GOSR1: variants seen among roughly 807,000 people sequenced by gnomAD.
GOSR1 encodes golgi SNAP receptor complex member 1.
GOSR1 carries 21 observed loss-of-function variants against 35.5 expected under a neutral mutation model. The observed-to-expected ratio is 0.59, with a 90% confidence interval of 0.42 to 0.85. The LOEUF is 0.85. Ranked by LOEUF, GOSR1 falls within the 40% of genes least tolerant of loss-of-function variation. GOSR1 has a pLI of 0.00. For missense variants in GOSR1, 285 were observed against 309.6 expected (o/e 0.92, Z 0.60); for synonymous variants, 94 against 106.6 (o/e 0.88, Z 0.73).
At chr17:30,516,714 C>CTTTGT (rs1299563629) in intron 7 of GOSR1, among the ~76,000 whole-genome samples, 5 of 152,000 alleles carry the variant, frequency 3.3e-5, no homozygotes, top group Admixed American at 3.3e-4. Flanking sequence ...GAAATACTAA[C>CTTTGT]TTTGTTTTGT....
chr17:30,499,584 AC>A (rs1967128695), intron 6 of GOSR1, among the ~76,000 whole-genome samples: 1 of 151,948 alleles, frequency 6.6e-6, no homozygotes, highest in African/African-American at 2.4e-5. Flanking sequence ...CTCGTGATCC[AC>A]CCGCCTTGGC....
intron 6 of GOSR1, among the ~76,000 whole-genome samples, chr17:30,507,463 C>G (rs1967444172): frequency 6.6e-6 from 1 of 152,204 alleles, no homozygotes; most frequent in African/African-American, 2.4e-5. Flanking sequence ...GCCTGTAATC[C>G]TGTAATCCCA....
chr17:30,500,017 C>G (rs1967145716), intron 6 of GOSR1, among the ~76,000 whole-genome samples: 1 of 152,008 alleles, frequency 6.6e-6, no homozygotes, highest in South Asian at 2.1e-4. Flanking sequence ...GTCTTTTTGC[C>G]TTTTGTTGTG....
intron 7 of GOSR1, among the ~76,000 whole-genome samples, chr17:30,512,996 A>G (rs1967667765): frequency 6.6e-6 from 1 of 152,222 alleles, no homozygotes; most frequent in South Asian, 2.1e-4. Context: ...CTTTTATTTC[A>G]GTATTTTCCC....
In GOSR1 at chr17:30,481,237, C is replaced by T; in HGVS notation, c.126C>T (p.Thr42=). The change falls in exon 2 of 9, where the codon ACC becomes ACT. Residue 42 remains threonine, a synonymous_variant. Coordinates refer to ENST00000451249, the MANE Select transcript of GOSR1 (RefSeq NM_001007025.2). ...KLCTSYSHSS[T]RDGRRDSSDT... Reference sequence around the variant, plus strand: ...GTACAAGTTACAGTCATAGCAGTACCCGAGATGGAAGACGCGACAGGTATA... The same window carrying T: ...GTACAAGTTACAGTCATAGCAGTACTCGAGATGGAAGACGCGACAGGTATA... 6.2e-7 allele frequency: 1 copy of T among 1,607,410 alleles called. No individual in the cohort carries two copies. The highest frequency in any genetic ancestry group is 8.5e-7 in the Non-Finnish European group (1 of 1,174,056).
At chr17:30,485,077 A>G (rs977194331) in intron 4 of GOSR1, 1 of 403,776 alleles carries the variant, frequency 2.5e-6, no homozygotes, top group Non-Finnish European at 4.7e-6. Flanking sequence ...ATGGTCATGT[A>G]TAGACAATAA....
At chr17:30,508,601 A>C (rs1172536523) in intron 6 of GOSR1, among the ~76,000 whole-genome samples, 1 of 152,182 alleles carries the variant, frequency 6.6e-6, no homozygotes, top group Non-Finnish European at 1.5e-5. Context: ...GCTTCTATAC[A>C]TGTTTGTTAG....
chr17:30,478,894 ATATCT>A (rs1914139761), intron 1 of GOSR1: 1 of 152,150 alleles, frequency 6.6e-6, no homozygotes, highest in Non-Finnish European at 1.5e-5. Flanking sequence ...GAGGCTACTG[ATATCT>A]TTATTACTAG....
At chr17:30,501,557 C>T (rs960271488) in intron 6 of GOSR1, among the ~76,000 whole-genome samples, 2 of 151,466 alleles carry the variant, frequency 1.3e-5, no homozygotes, top group Non-Finnish European at 1.5e-5. Context: ...AGTGCAGTGG[C>T]GCGATCTCGG....
chr17:30,490,137 T>G lies in GOSR1; in HGVS notation c.354T>G (p.His118Gln), dbSNP rs1361298248. The G allele has an allele frequency of 1.3e-6, 2 of 1,491,176 alleles. No homozygotes were observed. The highest frequency in any genetic ancestry group is 1.9e-6 in the Non-Finnish European group (2 of 1,069,050). The allele number at this position is 1,491,176 out of a possible 1,614,324, so 92.4% of individuals were successfully genotyped here. A position where few individuals can be genotyped will look rare whatever the true frequency, so the allele number is the denominator to read the frequency against. ...RHRDILQDYT[H>Q]EFHKTKANFM... is the part of the protein sequence containing the mutation. ...TTGATTTATTACAGGATTATACACA[T>G]GAATTCCATAAAACCAAAGCAAACT... is the stretch of plus-strand genomic sequence containing the variant. Residue 118 changes from histidine to glutamine, a missense_variant, in exon 5 of 9, where the codon CAT (histidine) becomes CAG (glutamine). By Grantham distance (24) the His-to-Gln change is conservative. Coordinates refer to ENST00000451249, the MANE Select transcript of GOSR1 (RefSeq NM_001007025.2).
intron 6 of GOSR1, among the ~76,000 whole-genome samples, chr17:30,503,558 A>G (rs1967291103): frequency 6.6e-6 from 1 of 152,248 alleles, no homozygotes; most frequent in Admixed American, 6.5e-5. Context: ...TGCCATCTGC[A>G]TGGAGTCACT....
rs984644018 is a variant in GOSR1 at position 30,524,214 on chromosome 17, TA to T, written c.*1846del. ...CGAGAAACACCCAAGAATGATCAATTAAAAAAAAAATAATATAATAATAATT... is the reference window on the plus strand; with the variant it reads ...CGAGAAACACCCAAGAATGATCAATTAAAAAAAAATAATATAATAATAATT... On this transcript the variant is annotated 3_prime_UTR_variant, in exon 9 of 9. Transcript: ENST00000451249. 1.7e-4 allele frequency: 25 copies of T among 150,680 alleles called. No homozygotes were observed. The highest frequency in any genetic ancestry group is 2.7e-4 in the Admixed American group (4 of 15,070). 9.3% of individuals were successfully genotyped at this position (150,680 alleles called of 1,614,324 possible).
intron 5 of GOSR1, 44 bp downstream of exon 5, chr17:30,490,261 T>G (rs566145369): frequency 1.9e-6 from 2 of 1,026,590 alleles, no homozygotes; most frequent in Middle Eastern, 2.0e-4. Context: ...TTATTCAGAT[T>G]TGGCTTTAGG....
chr17:30,477,811 G>GA, intron 1 of GOSR1: 4 of 985,358 alleles, frequency 4.1e-6, no homozygotes, highest in Non-Finnish European at 4.8e-6. Context: ...GAGAGGAAAC[G>GA]AATGTTGAGG....
intron 4 of GOSR1, among the ~76,000 whole-genome samples, chr17:30,486,047 A>C (rs993419214): frequency 5.3e-5 from 8 of 151,898 alleles, no homozygotes; most frequent in African/African-American, 1.7e-4. Context: ...AAAAGTAGGA[A>C]TAGAAAGATA....
intron 3 of GOSR1, 23 bp from the exon 4 acceptor site, chr17:30,484,640 G>GTT (rs5819903): frequency 0.017 from 18,818 of 1,088,550 alleles, no homozygotes; most frequent in East Asian, 0.062. Flanking sequence ...TATTTTGATT[G>GTT]TTTTTTTTTT....
intron 6 of GOSR1, among the ~76,000 whole-genome samples, chr17:30,504,707 TTCTA>T (rs1429838901): frequency 2.0e-5 from 3 of 152,366 alleles, no homozygotes; most frequent in Admixed American, 1.3e-4. Flanking sequence ...AGAACAAGGA[TTCTA>T]TCTGTGTGCC....
At chr17:30,486,101 G>A (rs1914667737) in intron 4 of GOSR1, among the ~76,000 whole-genome samples, 1 of 151,748 alleles carries the variant, frequency 6.6e-6, no homozygotes, top group African/African-American at 2.4e-5. Flanking sequence ...CTAGCATTGT[G>A]TTTAAAGAGA....
At chr17:30,484,340 T>G (rs2143627116) in intron 3 of GOSR1, 39 bp downstream of exon 3, 1 of 1,058,520 alleles carries the variant, frequency 9.4e-7, no homozygotes, top group Admixed American at 1.7e-5. Context: ...TGCAAATAAC[T>G]GTATACTTGT....
Sources: allele counts gnomAD v4.1 joint callset (sites outside exome capture counted in the v4.1 genomes callset), GRCh38; gene constraint gnomAD v4.1.1; transcripts MANE v1.5; gene names NCBI Gene and HGNC (gene_info 2026-07-23, HGNC 2026-07-21).